Variants in C1QTNF7 observed in about 807,000 individuals in gnomAD.
C1QTNF7 encodes complement C1q tumor necrosis factor-related protein 7.
C1QTNF7 carries 15 observed loss-of-function variants against 19.6 expected under a neutral mutation model. The observed-to-expected ratio is 0.76, with a 90% CI of 0.51 to 1.18. The LOEUF (loss-of-function observed/expected upper bound fraction) is 1.18, where lower values mean the gene tolerates loss of function less well. C1QTNF7 is among the 50% of genes most tolerant of loss of function. The probability of loss-of-function intolerance (pLI) is 0.00; values close to 1 mark genes in which losing one functional copy is unlikely to be tolerated. For missense variants in C1QTNF7, 324 were observed against 359.7 expected (o/e 0.90, Z 0.80); for synonymous variants, 142 against 137.5 (o/e 1.03, Z -0.23).
intron 1 of C1QTNF7, among the ~76,000 whole-genome samples, chr4:15,377,679 T>C (rs1366534048): frequency 6.6e-6 from 1 of 152,108 alleles, no homozygotes; most frequent in Non-Finnish European, 1.5e-5. Flanking sequence ...GAAGAGGTCA[T>C]GGAAAGGGTG....
chr4:15,375,113 C>T (rs1478543558), intron 1 of C1QTNF7, among the ~76,000 whole-genome samples: 1 of 151,822 alleles, frequency 6.6e-6, no homozygotes, highest in African/African-American at 2.4e-5. Flanking sequence ...GCAGAAGTGT[C>T]TCTGTAACCC....
rs149365635 is a variant in C1QTNF7, at chr4:15,400,885, T to C, written c.14-34851T>C. Among the ~76,000 whole-genome samples the C allele has an allele frequency of 1.3e-3, 199 of 152,242 alleles. 1 individual carries two copies. The Middle Eastern group carries it at 0.02, about 16-fold the overall frequency. ...CCTCAGGACCCAGCCACCATCACCA[T>C]TTCCCGATACCCCCATCACAGCATA... On this transcript the variant is annotated intron_variant, in intron 1 of 2. Coordinates refer to the C1QTNF7 transcript ENST00000295297.
intron 1 of C1QTNF7, among the ~76,000 whole-genome samples, chr4:15,350,323 G>T: frequency 1.3e-5 from 1 of 78,128 alleles, no homozygotes; most frequent in Non-Finnish European, 2.4e-5. Flanking sequence ...AGGGAAGGAA[G>T]GAGGAAAGAA....
intron 2 of C1QTNF7, among the ~76,000 whole-genome samples, chr4:15,437,012 C>A (rs1451227228): frequency 1.3e-5 from 2 of 152,038 alleles, no homozygotes; most frequent in African/African-American, 4.8e-5. Context: ...AGATAAAGAA[C>A]CTTTAGGGAA....
intron 1 of C1QTNF7, among the ~76,000 whole-genome samples, chr4:15,343,677 C>T (rs6857460): frequency 1 from 152,302 of 152,332 alleles, 76,136 homozygotes; most frequent in Middle Eastern, 1. Context: ...AATTAGATAT[C>T]GCAATTTAGA....
intron 1 of C1QTNF7, among the ~76,000 whole-genome samples, chr4:15,411,604 A>G (rs1370927804): frequency 6.6e-6 from 1 of 152,218 alleles, no homozygotes; most frequent in Non-Finnish European, 1.5e-5. Flanking sequence ...AAACCCAGGT[A>G]TGCTGGCTTC....
intron 2 of C1QTNF7, among the ~76,000 whole-genome samples, chr4:15,440,619 G>A (rs1002309096): frequency 6.6e-6 from 1 of 151,974 alleles, no homozygotes; most frequent in Non-Finnish European, 1.5e-5. Flanking sequence ...TGTTAACCAG[G>A]ATGGTCTTGA....
At chr4:15,440,472 A>G (rs533500472) in intron 2 of C1QTNF7, among the ~76,000 whole-genome samples, 1 of 150,790 alleles carries the variant, frequency 6.6e-6, no homozygotes, top group African/African-American at 2.4e-5. Context: ...CAGTGGCGCA[A>G]TCTCGGCTCG....
chr4:15,393,548 C>T (rs941552104), intron 1 of C1QTNF7, among the ~76,000 whole-genome samples: 2 of 152,186 alleles, frequency 1.3e-5, no homozygotes, highest in African/African-American at 4.8e-5. Flanking sequence ...GATCTTTATT[C>T]TGGAAATGTG....
chr4:15,368,103 CT>C (rs1486242932), intron 1 of C1QTNF7, among the ~76,000 whole-genome samples: 2 of 152,070 alleles, frequency 1.3e-5, no homozygotes, highest in Non-Finnish European at 1.5e-5. Flanking sequence ...GACTGATCTG[CT>C]TTTTTGTCAC....
intron 1 of C1QTNF7, chr4:15,361,246 A>G (rs1036553784): frequency 1.3e-5 from 2 of 151,780 alleles, no homozygotes; most frequent in Non-Finnish European, 1.5e-5. Context: ...CCAAATTTAT[A>G]CCCCTGTTTT....
intron 1 of C1QTNF7, chr4:15,420,087 C>G (rs1711677864): frequency 6.6e-6 from 1 of 152,200 alleles, no homozygotes; most frequent in African/African-American, 2.4e-5. Context: ...TCTAAGTTCC[C>G]CAAGAAAGCT....
At chr4:15,353,646 C>CT (rs758208468) in intron 1 of C1QTNF7, among the ~76,000 whole-genome samples, 3 of 152,044 alleles carry the variant, frequency 2.0e-5, no homozygotes, top group Non-Finnish European at 2.9e-5. Flanking sequence ...GTGTGTCTGG[C>CT]TTGTGCCCTG....
At chr4:15,426,724 G>A (rs555742155), upstream of C1QTNF7, among the ~76,000 whole-genome samples, 10 of 152,084 alleles carry the variant, frequency 6.6e-5, no homozygotes, top group Admixed American at 4.6e-4. Flanking sequence ...GCAGAGACTG[G>A]GCTACTCCAA....
At chr4:15,404,349 T>C (rs779961357) in intron 1 of C1QTNF7, among the ~76,000 whole-genome samples, 8 of 152,174 alleles carry the variant, frequency 5.3e-5, no homozygotes, top group Non-Finnish European at 1.0e-4. Context: ...TGAGTACTAG[T>C]TCTTCTTGCT....
chr4:15,356,567 A>G (rs777878364), intron 1 of C1QTNF7, among the ~76,000 whole-genome samples: 2 of 152,172 alleles, frequency 1.3e-5, no homozygotes, highest in African/African-American at 2.4e-5. Flanking sequence ...ATACATGTGC[A>G]TGTGTCTTTA....
intron 1 of C1QTNF7, among the ~76,000 whole-genome samples, chr4:15,343,411 T>C (rs1716614539): frequency 6.6e-6 from 1 of 152,188 alleles, no homozygotes; most frequent in Admixed American, 6.5e-5. Context: ...AGCCCAACAA[T>C]TGGGATTCTC....
At chr4:15,357,166 T>C (rs1418718909) in intron 1 of C1QTNF7, among the ~76,000 whole-genome samples, 5 of 152,220 alleles carry the variant, frequency 3.3e-5, no homozygotes. Context: ...CATGAAGTCT[T>C]TGCCCATGCC....
intron 1 of C1QTNF7, among the ~76,000 whole-genome samples, chr4:15,347,497 G>A (rs1228348391): frequency 6.6e-6 from 1 of 152,168 alleles, no homozygotes; most frequent in Non-Finnish European, 1.5e-5. Flanking sequence ...GGTTCACCTA[G>A]GATATGCATG....
Sources: allele counts gnomAD v4.1 joint callset (sites outside exome capture counted in the v4.1 genomes callset), GRCh38; gene constraint gnomAD v4.1.1; transcripts MANE v1.5; gene names NCBI Gene and HGNC (gene_info 2026-07-23, HGNC 2026-07-21).